DCC: variants seen among roughly 807,000 people sequenced by gnomAD.
The protein encoded by DCC is netrin receptor DCC.
Under a neutral mutation model 172.5 loss-of-function variants are expected in DCC, and 58 were observed. That is an observed-to-expected ratio of 0.34 (90% confidence interval 0.27 to 0.42). DCC has a LOEUF of 0.42. DCC is among the 10% of genes least tolerant of loss of function. The probability of loss-of-function intolerance (pLI) is 1.00; values close to 1 mark genes in which losing one functional copy is unlikely to be tolerated. For missense variants in DCC, 1,740 were observed against 1,791.0 expected (o/e 0.97, Z 0.51); for synonymous variants, 709 against 644.5 (o/e 1.10, Z -1.52).
chr18:52,674,059 C>A (rs2035604523), intron 1 of DCC, among the ~76,000 whole-genome samples: 1 of 152,126 alleles, frequency 6.6e-6, no homozygotes. Context: ...TTGTTTCACA[C>A]TTGGTGATAT....
chr18:52,998,241 T>C (rs2041513057), intron 5 of DCC, among the ~76,000 whole-genome samples: 1 of 152,148 alleles, frequency 6.6e-6, no homozygotes, highest in Middle Eastern at 3.4e-3. Context: ...TAGCAGGAAT[T>C]GTGCTATAGT....
intron 1 of DCC, among the ~76,000 whole-genome samples, chr18:52,373,579 T>TG (rs1568138138): frequency 6.6e-6 from 1 of 152,174 alleles, no homozygotes; most frequent in South Asian, 2.1e-4. Context: ...CTGTACATTG[T>TG]GGGGGTGGGT....
intron 1 of DCC, among the ~76,000 whole-genome samples, chr18:52,440,022 C>T (rs1277337836): frequency 2.0e-5 from 3 of 152,118 alleles, no homozygotes; most frequent in East Asian, 1.9e-4. Flanking sequence ...GGTCAGGGCA[C>T]GAGCAGTGTT....
At chr18:52,463,285 T>C (rs570850674) in intron 1 of DCC, among the ~76,000 whole-genome samples, 51 of 152,202 alleles carry the variant, frequency 3.4e-4, no homozygotes, top group Non-Finnish European at 6.6e-4. Flanking sequence ...CAGTGGCCTT[T>C]TCCTCCTGAC....
At chr18:52,580,654 A>T (rs2033524259) in intron 1 of DCC, among the ~76,000 whole-genome samples, 1 of 152,230 alleles carries the variant, frequency 6.6e-6, no homozygotes, top group Non-Finnish European at 1.5e-5. Flanking sequence ...AAGACTATGG[A>T]TGCCTGGAAG....
At chr18:53,102,919 C>T (rs529506194) in intron 7 of DCC, among the ~76,000 whole-genome samples, 1 of 152,012 alleles carries the variant, frequency 6.6e-6, no homozygotes, top group Non-Finnish European at 1.5e-5. Flanking sequence ...TCACCGATTG[C>T]CTGGATTATT....
intron 14 of DCC, among the ~76,000 whole-genome samples, chr18:53,334,862 C>A (rs888852866): frequency 2.0e-5 from 3 of 152,098 alleles, no homozygotes; most frequent in African/African-American, 7.2e-5. Context: ...TTTCTTCCAC[C>A]TTTTGGCTAT....
intron 1 of DCC, among the ~76,000 whole-genome samples, chr18:52,569,440 T>A (rs1285675964): frequency 1.3e-4 from 20 of 152,222 alleles, no homozygotes; most frequent in Non-Finnish European, 2.8e-4. Context: ...CTTAGCTATC[T>A]TTATTGCTAT....
At chr18:52,984,422 G>A (rs2041260274) in intron 5 of DCC, among the ~76,000 whole-genome samples, 1 of 151,920 alleles carries the variant, frequency 6.6e-6, no homozygotes, top group South Asian at 2.1e-4. Context: ...TTTGTTATAT[G>A]TTTGATCATT....
rs191619246 is a variant in DCC, at chr18:52,678,348, G to A, written c.92-73706G>A. Among the ~76,000 whole-genome samples the A allele has an allele frequency of 1.7e-3, 254 of 152,276 alleles. 1 individual carries two copies. Among genetic ancestry groups the A allele is most frequent in the African/African-American group, 5.7e-3 (238 of 41,572 alleles). ...AATCAGCCTCATGGTCTTTGGGGTA[G>A]TATTAAAGCTCCTGAGCCCTGTGGG... On this transcript the variant is annotated intron_variant, in intron 1 of 28. Transcript: ENST00000442544.
rs775486111 is a variant in DCC, at chr18:53,429,054, T to TATTTTTTATATAA, written c.3164-6090_3164-6089insATTTTTTATATAA. Reference sequence around the variant, plus strand: ...TAATATATATTTTATATATAATATATTATATATTTTATATATAATATATAT... The same window carrying TATTTTTTATATAA: ...TAATATATATTTTATATATAATATATATTTTTTATATAATATATATTTTATATATAATATATAT... On this transcript the variant is annotated intron_variant, in intron 21 of 28. Coordinates refer to ENST00000442544, the MANE Select transcript of DCC (RefSeq NM_005215.4). Among the ~76,000 whole-genome samples the TATTTTTTATATAA allele has an allele frequency of 5.7e-5, 2 of 35,166 alleles. 1 individual carries two copies. Among genetic ancestry groups the TATTTTTTATATAA allele is most frequent in the Non-Finnish European group, 1.6e-4 (2 of 12,492 alleles). 23.1% of individuals were successfully genotyped at this position (35,166 alleles called of 152,430 possible).
intron 9 of DCC, among the ~76,000 whole-genome samples, chr18:53,184,337 C>T (rs1157798417): frequency 1.3e-5 from 2 of 152,058 alleles, no homozygotes; most frequent in South Asian, 4.1e-4. Flanking sequence ...TAAATAAAGC[C>T]ATGTGTCACT....
chr18:53,236,612 G>T (rs1568383497), intron 12 of DCC, among the ~76,000 whole-genome samples: 1 of 151,816 alleles, frequency 6.6e-6, no homozygotes, highest in Non-Finnish European at 1.5e-5. Flanking sequence ...TTTTTATTTT[G>T]TTAAAGTCAG....
At chr18:52,751,995 T>C (rs927348318) in intron 1 of DCC, 59 bp from the exon 2 acceptor site, 17 of 1,428,294 alleles carry the variant, frequency 1.2e-5, no homozygotes, top group Non-Finnish European at 1.6e-5. Flanking sequence ...AGACAGGGAA[T>C]CTAAGCCTGA....
chr18:52,981,448 T>C (rs2041206840), intron 5 of DCC, among the ~76,000 whole-genome samples: 1 of 152,114 alleles, frequency 6.6e-6, no homozygotes, highest in African/African-American at 2.4e-5. Context: ...AATGAAAGGA[T>C]TGATGACAAT....
intron 12 of DCC, among the ~76,000 whole-genome samples, chr18:53,264,809 A>G (rs147068917): frequency 4.2e-4 from 64 of 152,250 alleles, no homozygotes; most frequent in African/African-American, 1.4e-3. Flanking sequence ...GGACAGAACA[A>G]TATGCCATAA....
chr18:52,614,683 C>T (rs2034344672), intron 1 of DCC, among the ~76,000 whole-genome samples: 1 of 152,046 alleles, frequency 6.6e-6, no homozygotes, highest in Non-Finnish European at 1.5e-5. Context: ...CAAGCATTTT[C>T]CCTGTCAATA....
intron 7 of DCC, among the ~76,000 whole-genome samples, chr18:53,148,865 CTTT>C (rs5824990): frequency 6.4e-5 from 7 of 109,806 alleles, no homozygotes; most frequent in African/African-American, 3.7e-5. Flanking sequence ...TTCCCAATGC[CTTT>C]TTTTTTTTTT....
chr18:52,855,763 CTT>C (rs71175526), intron 2 of DCC, among the ~76,000 whole-genome samples: 312 of 121,198 alleles, frequency 2.6e-3, no homozygotes, highest in African/African-American at 8.3e-3. Context: ...CGTATAAATT[CTT>C]TTTTTTTTTT....
Sources: allele counts gnomAD v4.1 joint callset (sites outside exome capture counted in the v4.1 genomes callset), GRCh38; gene constraint gnomAD v4.1.1; transcripts MANE v1.5; gene names NCBI Gene and HGNC (gene_info 2026-07-23, HGNC 2026-07-21).